The following TRPM3 variants were observed in gnomAD, a reference collection of about 807,000 sequenced individuals.
The protein encoded by TRPM3 is long transient receptor potential channel 3.
TRPM3 carries 77 observed loss-of-function variants against 181.2 expected under a neutral mutation model. The ratio of observed to expected loss-of-function variants is 0.42; its 90% CI spans 0.35 to 0.51. The LOEUF is 0.51. Among genes scored for constraint, TRPM3 ranks in the 20% least tolerant of loss-of-function variants. The probability of loss-of-function intolerance (pLI) is 0.01; values close to 1 mark genes in which losing one functional copy is unlikely to be tolerated. For synonymous variants in TRPM3, 745 were observed against 796.4 expected (o/e 0.94, Z 1.09); for missense variants, 1,759 against 2,196.7 (o/e 0.80, Z 3.98).
chr9:71,166,586 T>A (rs2076552551), intron 1 of TRPM3, among the ~76,000 whole-genome samples: 1 of 152,150 alleles, frequency 6.6e-6, no homozygotes, highest in South Asian at 2.1e-4. Flanking sequence ...GGTTACAGTA[T>A]CTTGCCAAAA....
chr9:70,598,604 C>T lies in TRPM3; in HGVS notation c.2863G>A (p.Val955Ile). Residue 955 changes from valine to isoleucine, a missense_variant, in exon 21 of 26, where the codon GTC (valine) becomes ATC (isoleucine). This residue lies in a region of TRPM3 where 100 missense variants were observed against 123.0 expected (regional missense o/e 0.81). Coordinates refer to ENST00000677713, the MANE Select transcript of TRPM3 (RefSeq NM_001366145.2). ...AGAAGGATGGCGATGAGGTCCGTGA[C>T]ATTCCAGTACTCCTGCAGCCATACC... ...VKVWLQEYWN[V>I]TDLIAILLFS... 6.2e-7 allele frequency: 1 copy of T among 1,614,214 alleles called. No homozygotes were observed. Among genetic ancestry groups the T allele is most frequent in the Non-Finnish European group, 8.5e-7 (1 of 1,180,040 alleles).
chr9:71,023,055 TA>T (rs2097859521), intron 1 of TRPM3, among the ~76,000 whole-genome samples: 1 of 152,062 alleles, frequency 6.6e-6, no homozygotes, highest in Non-Finnish European at 1.5e-5. Flanking sequence ...GAAGAAGCTA[TA>T]AAGCAGACTT....
chr9:71,065,797 G>A (rs1303845809), intron 1 of TRPM3, among the ~76,000 whole-genome samples: 1 of 152,116 alleles, frequency 6.6e-6, no homozygotes, highest in Non-Finnish European at 1.5e-5. Flanking sequence ...AGTCTAATTT[G>A]CACACACTTT....
intron 1 of TRPM3, among the ~76,000 whole-genome samples, chr9:71,131,952 A>G (rs1452048039): frequency 6.6e-6 from 1 of 152,228 alleles, no homozygotes; most frequent in East Asian, 1.9e-4. Flanking sequence ...GCAATTCATC[A>G]AAGGCTTAAC....
intron 8 of TRPM3, among the ~76,000 whole-genome samples, chr9:70,759,997 A>G (rs1248244917): frequency 6.6e-6 from 1 of 152,076 alleles, no homozygotes; most frequent in Non-Finnish European, 1.5e-5. Context: ...TTAAAGAAGA[A>G]CTCATTTCCT....
chr9:71,246,622 T>C (rs2082048997), intron 1 of TRPM3, among the ~76,000 whole-genome samples: 1 of 152,246 alleles, frequency 6.6e-6, no homozygotes, highest in South Asian at 2.1e-4. Flanking sequence ...TTTATACAAA[T>C]AACTCGTTTC....
intron 5 of TRPM3, among the ~76,000 whole-genome samples, chr9:70,842,458 A>G (rs10122559): frequency 0.57 from 86,185 of 151,928 alleles, 24,810 homozygotes; most frequent in Non-Finnish European, 0.58. Flanking sequence ...CATAATAGAA[A>G]AAGTAGTTTA....
chr9:71,237,957 T>C (rs1039701612), intron 1 of TRPM3, among the ~76,000 whole-genome samples: 70 of 152,296 alleles, frequency 4.6e-4, no homozygotes, highest in African/African-American at 1.5e-3. Flanking sequence ...ATAAAGGCCC[T>C]ACATCTTAAT....
At chr9:71,042,946 T>C (rs1415992066) in intron 1 of TRPM3, among the ~76,000 whole-genome samples, 10 of 152,174 alleles carry the variant, frequency 6.6e-5, no homozygotes, top group Non-Finnish European at 1.5e-4. Flanking sequence ...TATAGAGACT[T>C]TGAAATGACT....
At chr9:71,423,294 T>C (rs181220905) in intron 1 of TRPM3, among the ~76,000 whole-genome samples, 133 of 152,270 alleles carry the variant, frequency 8.7e-4, no homozygotes, top group Non-Finnish European at 1.8e-3. Flanking sequence ...CTTAAATAAT[T>C]GTTTTTTAAA....
chr9:70,579,851 C>CCACA (rs1330800811), intron 22 of TRPM3, among the ~76,000 whole-genome samples: 1 of 152,178 alleles, frequency 6.6e-6, no homozygotes, highest in Non-Finnish European at 1.5e-5. Context: ...TGAAGCCTCC[C>CCACA]CACACCCTGT....
intron 1 of TRPM3, among the ~76,000 whole-genome samples, chr9:71,366,868 A>G (rs1159533844): frequency 6.6e-6 from 1 of 152,142 alleles, no homozygotes; most frequent in Middle Eastern, 3.2e-3. Context: ...ACAAATTCAA[A>G]TGGATTTCTT....
At chr9:71,251,803 T>C (rs1565385863) in intron 1 of TRPM3, among the ~76,000 whole-genome samples, 1 of 152,176 alleles carries the variant, frequency 6.6e-6, no homozygotes. Flanking sequence ...GTCTTATTCA[T>C]TTCTATTTTG....
At chr9:71,065,166 T>G (rs978603495) in intron 1 of TRPM3, among the ~76,000 whole-genome samples, 1 of 152,084 alleles carries the variant, frequency 6.6e-6, no homozygotes, top group Non-Finnish European at 1.5e-5. Context: ...TGCCACAAAG[T>G]TGAGTTTTAT....
intron 1 of TRPM3, among the ~76,000 whole-genome samples, chr9:71,216,498 G>A (rs1482867840): frequency 1.3e-5 from 2 of 152,034 alleles, no homozygotes; most frequent in Admixed American, 6.5e-5. Context: ...ATTTTACTTT[G>A]GGCCTTTGTG....
intron 1 of TRPM3, among the ~76,000 whole-genome samples, chr9:71,204,169 A>G (rs202017222): frequency 0.018 from 2,769 of 150,660 alleles, 39 homozygotes; most frequent in East Asian, 0.075. Flanking sequence ...CTTCATGTCT[A>G]AAACACCAAA....
intron 8 of TRPM3, among the ~76,000 whole-genome samples, chr9:70,691,502 C>T (rs575506334): frequency 6.6e-6 from 1 of 152,308 alleles, no homozygotes; most frequent in Admixed American, 6.5e-5. Flanking sequence ...CAACTCCATA[C>T]TCTCCCAAGG....
At chr9:70,605,732 T>TCTGA (rs1361959177) in intron 19 of TRPM3, among the ~76,000 whole-genome samples, 1 of 152,168 alleles carries the variant, frequency 6.6e-6, no homozygotes, top group African/African-American at 2.4e-5. Context: ...TCAGCCTCCT[T>TCTGA]CTGACTTGAA....
intron 1 of TRPM3, among the ~76,000 whole-genome samples, chr9:71,435,594 A>G (rs1396249005): frequency 6.6e-6 from 1 of 152,222 alleles, no homozygotes; most frequent in Non-Finnish European, 1.5e-5. Context: ...TTTATCATGG[A>G]TTTAAAGACA....
Sources: allele counts gnomAD v4.1 joint callset (sites outside exome capture counted in the v4.1 genomes callset), GRCh38; gene constraint gnomAD v4.1.1; regional missense constraint gnomAD v4.1.1; transcripts MANE v1.5; gene names NCBI Gene and HGNC (gene_info 2026-07-23, HGNC 2026-07-21).